Variants in TLCD4 observed in about 807,000 individuals in gnomAD.
TLCD4 encodes the protein TLC domain-containing protein 4.
A neutral mutation model predicts 24.2 loss-of-function variants in TLCD4; 7 were observed. The ratio of observed to expected loss-of-function variants is 0.29; its 90% confidence interval spans 0.16 to 0.54. TLCD4 has a LOEUF of 0.54. TLCD4 is among the 20% of genes least tolerant of loss of function. The pLI is 0.95. For synonymous variants in TLCD4, 103 were observed against 106.4 expected (o/e 0.97, Z 0.20); for missense variants, 259 against 313.9 (o/e 0.82, Z 1.32).
the TLCD4 span, among the ~76,000 whole-genome samples, chr1:95,101,068 C>T: frequency 8.6e-5 from 13 of 151,018 alleles, no homozygotes; most frequent in Admixed American, 1.3e-4. Flanking sequence ...CCAATGTGCC[C>T]GGCTACTTTT....
chr1:95,178,563 C>CTTT (rs57190787), intron 6 of TLCD4, among the ~76,000 whole-genome samples: 1,351 of 82,362 alleles, frequency 0.016, 77 homozygotes, highest in African/African-American at 0.045. Context: ...ATGCCCAGCC[C>CTTT]TTTTTTTTTT....
At chr1:95,135,888 T>C (rs1204131172) in intron 1 of TLCD4, among the ~76,000 whole-genome samples, 1 of 152,010 alleles carries the variant, frequency 6.6e-6, no homozygotes, top group Non-Finnish European at 1.5e-5. Context: ...CTGGTTAATT[T>C]TTGTATTTTT....
intron 5 of TLCD4, among the ~76,000 whole-genome samples, chr1:95,155,015 T>TAGTGC (rs1246221045): frequency 4.2e-4 from 63 of 150,268 alleles, no homozygotes; most frequent in South Asian, 1.7e-3. Context: ...TAGTGTAGTG[T>TAGTGC]AGTGCAGTGC....
At chr1:95,099,281 A>G in the TLCD4 span, among the ~76,000 whole-genome samples, 1 of 151,984 alleles carries the variant, frequency 6.6e-6, no homozygotes, top group African/African-American at 2.4e-5. Context: ...ATGAATCGTT[A>G]TTATACGGAT....
chr1:95,120,592 G>A (rs1031999103), intron 1 of TLCD4, among the ~76,000 whole-genome samples: 16 of 152,322 alleles, frequency 1.1e-4, no homozygotes, highest in African/African-American at 2.4e-4. Flanking sequence ...AACAGCCAAC[G>A]AAGAAGACAC....
intron 5 of TLCD4, among the ~76,000 whole-genome samples, chr1:95,165,655 C>T (rs560119797): frequency 3.3e-5 from 5 of 152,092 alleles, no homozygotes; most frequent in South Asian, 2.1e-4. Context: ...TTAGTAGAGA[C>T]GGGGTTTCAA....
intron 5 of TLCD4, among the ~76,000 whole-genome samples, chr1:95,154,066 C>G (rs1431448453): frequency 2.6e-5 from 4 of 152,154 alleles, no homozygotes; most frequent in Non-Finnish European, 2.9e-5. Flanking sequence ...AAAGTAGATA[C>G]AATCAGCAGA....
the TLCD4 span, among the ~76,000 whole-genome samples, chr1:95,093,446 G>A: frequency 0.34 from 52,069 of 152,052 alleles, 10,391 homozygotes; most frequent in Middle Eastern, 0.45. Context: ...ATGGGTCATC[G>A]GACTGTAAGC....
the TLCD4 span, among the ~76,000 whole-genome samples, chr1:95,100,492 T>C: frequency 1.3e-5 from 2 of 152,040 alleles, no homozygotes; most frequent in African/African-American, 4.8e-5. Context: ...TGAGAATCAC[T>C]TGAACCCAGG....
chr1:95,126,989 C>T (rs531606771), intron 1 of TLCD4, among the ~76,000 whole-genome samples: 1 of 152,328 alleles, frequency 6.6e-6, no homozygotes, highest in South Asian at 2.1e-4. Context: ...TGGTTTACCA[C>T]AGGTGACTGC....
intron 1 of TLCD4, among the ~76,000 whole-genome samples, chr1:95,142,498 AAGT>A (rs1410293624): frequency 6.6e-6 from 1 of 152,122 alleles, no homozygotes. Context: ...GAAGCAATGA[AAGT>A]AGCGATTTAT....
At chr1:95,105,397 C>T in the TLCD4 span, among the ~76,000 whole-genome samples, 4 of 152,284 alleles carry the variant, frequency 2.6e-5, 1 homozygote, top group African/African-American at 9.6e-5. Flanking sequence ...AGTGATTTCA[C>T]TCTCAGAACA....
At chr1:95,123,119 T>C (rs1371724475) in intron 1 of TLCD4, among the ~76,000 whole-genome samples, 1 of 152,214 alleles carries the variant, frequency 6.6e-6, no homozygotes, top group Non-Finnish European at 1.5e-5. Flanking sequence ...CGGGACATGA[T>C]TCTTAAAACT....
At chr1:95,190,983 A>T (rs369245108) in intron 6 of TLCD4, among the ~76,000 whole-genome samples, 1 of 152,184 alleles carries the variant, frequency 6.6e-6, no homozygotes, top group Non-Finnish European at 1.5e-5. Flanking sequence ...ACGAAGTCCA[A>T]CTTAACTAAC....
chr1:95,112,314 A>G, the TLCD4 span, among the ~76,000 whole-genome samples: 1 of 152,214 alleles, frequency 6.6e-6, no homozygotes, highest in Non-Finnish European at 1.5e-5. Flanking sequence ...ATACATTTAG[A>G]GAATAATATA....
chr1:95,096,872 G>A, the TLCD4 span, among the ~76,000 whole-genome samples: 2 of 152,184 alleles, frequency 1.3e-5, no homozygotes, highest in Admixed American at 6.5e-5. Context: ...TGAGAATTTA[G>A]GGGTAGTGGA....
intron 2 of TLCD4, among the ~76,000 whole-genome samples, chr1:95,147,959 C>G (rs1677394645): frequency 6.6e-6 from 1 of 152,126 alleles, no homozygotes; most frequent in Non-Finnish European, 1.5e-5. Flanking sequence ...TTATGTTAAA[C>G]TTATTCCTTC....
intron 2 of TLCD4, among the ~76,000 whole-genome samples, chr1:95,147,156 C>A (rs1269602726): frequency 6.6e-6 from 1 of 151,570 alleles, no homozygotes; most frequent in Admixed American, 6.6e-5. Flanking sequence ...TCACTGAAAC[C>A]TTTGCCTCCC....
upstream of TLCD4, among the ~76,000 whole-genome samples, chr1:95,116,560 G>A (rs934437288): frequency 6.6e-6 from 1 of 152,242 alleles, no homozygotes; most frequent in South Asian, 2.1e-4. Flanking sequence ...TGCTCTCTGC[G>A]AATTATAATG....
Sources: allele counts gnomAD v4.1 joint callset (sites outside exome capture counted in the v4.1 genomes callset), GRCh38; gene constraint gnomAD v4.1.1; transcripts MANE v1.5; gene names NCBI Gene and HGNC (gene_info 2026-07-23, HGNC 2026-07-21).